Variants in SYNE1 observed in about 807,000 individuals in gnomAD.
SYNE1 encodes spectrin repeat containing nuclear envelope protein 1.
A neutral mutation model predicts 1,111.0 loss-of-function variants in SYNE1; 616 were observed. The ratio of observed to expected loss-of-function variants is 0.55; its 90% CI spans 0.52 to 0.59. The LOEUF is 0.59. SYNE1 is among the 20% of genes least tolerant of loss of function. The probability of loss-of-function intolerance (pLI) is 0.00; values close to 1 mark genes in which losing one functional copy is unlikely to be tolerated. For missense variants in SYNE1, 10,006 were observed against 10,417.0 expected, an observed-to-expected ratio of 0.96 and a Z score of 1.72; for synonymous variants, 3,855 against 3,825.8, an observed-to-expected ratio of 1.01 and a Z score of -0.28.
intron 39 of SYNE1, among the ~76,000 whole-genome samples, chr6:152,423,916 C>T (rs1279746484): frequency 6.6e-6 from 1 of 152,210 alleles, no homozygotes; most frequent in Non-Finnish European, 1.5e-5. Context: ...AGAGAGGTCT[C>T]GCTTGACCAC....
At chr6:152,317,194 T>A (rs533274988) in intron 86 of SYNE1, among the ~76,000 whole-genome samples, 4 of 152,018 alleles carry the variant, frequency 2.6e-5, no homozygotes, top group Admixed American at 6.5e-5. Context: ...GTTCTTAATA[T>A]GATTGAATTA....
intron 101 of SYNE1, among the ~76,000 whole-genome samples, chr6:152,260,666 C>T (rs765491515): frequency 4.0e-5 from 6 of 149,690 alleles, no homozygotes; most frequent in Admixed American, 6.7e-5. Context: ...TTCAGACCAG[C>T]GATCCCCAAC....
rs768355762 is a variant in SYNE1 at position 152,143,648 on chromosome 6, T to C, written c.25094A>G (p.Glu8365Gly). Residue 8365 changes from glutamate to glycine, a missense_variant, in exon 138 of 146, where the codon GAG becomes GGG. Physicochemically the swap from Glu to Gly is moderately conservative, Grantham distance 98. This residue lies in a region of SYNE1 where 761 missense variants were observed against 795.5 expected (regional missense o/e 0.96). Coordinates refer to ENST00000367255, the MANE Select transcript of SYNE1 (RefSeq NM_182961.4). ...GTAGCCTTTGTAGCTGGTGTCTAGCTCCGGCCCCGTGGGAGTTTTGCTGCG... is the reference window on the plus strand; with the variant it reads ...GTAGCCTTTGTAGCTGGTGTCTAGCCCCGGCCCCGTGGGAGTTTTGCTGCG... Reference protein sequence around the residue: ...IIRSKTPTGPELDTSYKGYMK... With the variant: ...IIRSKTPTGPGLDTSYKGYMK... 1.2e-6 allele frequency: 2 copies of C among 1,614,204 alleles called. No homozygotes were observed. The highest frequency in any genetic ancestry group is 1.1e-5 in the South Asian group (1 of 91,074).
intron 3 of SYNE1, among the ~76,000 whole-genome samples, chr6:152,581,567 C>T (rs564854077): frequency 7.9e-5 from 12 of 152,308 alleles, no homozygotes; most frequent in African/African-American, 2.6e-4. Context: ...CTGCTCATGG[C>T]CCCTCTCGCT....
chr6:152,573,915 T>C (rs530317238), intron 3 of SYNE1, among the ~76,000 whole-genome samples: 2 of 152,166 alleles, frequency 1.3e-5, no homozygotes, highest in Non-Finnish European at 2.9e-5. Context: ...ATCAAAGCTC[T>C]GCTTCACCTG....
intron 110 of SYNE1, 48 bp downstream of exon 110, chr6:152,236,059 T>C (rs1240852457): frequency 6.3e-7 from 1 of 1,589,982 alleles, no homozygotes; most frequent in South Asian, 1.1e-5. Flanking sequence ...GCCTTATTAA[T>C]ACAATGCAGC....
intron 73 of SYNE1, among the ~76,000 whole-genome samples, chr6:152,345,008 G>C: frequency 6.6e-6 from 1 of 152,242 alleles, no homozygotes; most frequent in East Asian, 1.9e-4. Context: ...AGCAATCATT[G>C]AATTCTGCTT....
At chr6:152,223,091 C>A (rs1300058483) in intron 117 of SYNE1, among the ~76,000 whole-genome samples, 1 of 152,142 alleles carries the variant, frequency 6.6e-6, no homozygotes, top group Non-Finnish European at 1.5e-5. Flanking sequence ...TGAAAACAGT[C>A]AAGGAAAAGA....
chr6:152,327,774 A>G (rs1432349655), intron 78 of SYNE1, among the ~76,000 whole-genome samples: 1 of 152,222 alleles, frequency 6.6e-6, no homozygotes, highest in African/African-American at 2.4e-5. Flanking sequence ...AAGCAAGCTT[A>G]CCTGACAAAT....
rs1297857077 is a variant in SYNE1, at chr6:152,149,616, G to T, written c.24503C>A (p.Ala8168Asp). The change falls in exon 136 of 146, where the codon GCC becomes GAC. Residue 8168 changes from alanine (A) to aspartate (D), a missense_variant. Physicochemically the swap from Ala to Asp is moderately radical, Grantham distance 126 (BLOSUM62 -2). Transcript: ENST00000367255. ...CTTTTCTATCAGCTGTTCTCCTTGG[G>T]CAATTATCTGCTCAATCTTATTGTG... is the stretch of plus-strand genomic sequence containing the variant. ...LNHNKIEQII[A>D]QGEQLIEKSE... is the part of the protein sequence containing the mutation. The T allele has an allele frequency of 3.1e-6, 5 of 1,614,054 alleles. No individual in the cohort carries two copies. Among genetic ancestry groups the T allele is most frequent in the Non-Finnish European group, 4.2e-6 (5 of 1,180,018 alleles).
Position 152,328,037 on chromosome 6 carries a change from A to G in SYNE1, c.14956-1404T>C, listed in dbSNP as rs369280544. On this transcript the variant is annotated intron_variant, in intron 78 of 145. Transcript: ENST00000367255. Reference sequence around the variant, plus strand: ...GTGTTAACCTTAACCTCTGCAGAAAATATAGTTAAATGAGAGCTAAGATTC... The same window carrying G: ...GTGTTAACCTTAACCTCTGCAGAAAGTATAGTTAAATGAGAGCTAAGATTC... Among the ~76,000 whole-genome samples, 7 of 152,316 alleles carry G rather than the reference A, an allele frequency of 4.6e-5. No homozygotes were observed. In the East Asian group the frequency reaches 1.2e-3, roughly 25 times the overall value.
In SYNE1 at chr6:152,136,706, A is replaced by C. The variant is rs1335765710; in HGVS notation, c.25571T>G (p.Leu8524Trp). ...SKESRDLQDRLSQMNGRWDRV... is the reference protein window; with the variant it reads ...SKESRDLQDRWSQMNGRWDRV... Reference sequence around the variant, plus strand: ...GTCCCAGCGCCCATTCATCTGCGACAAGCGATCCTGCAGGTCCCGGCTCTC... The same window carrying C: ...GTCCCAGCGCCCATTCATCTGCGACCAGCGATCCTGCAGGTCCCGGCTCTC... Residue 8524 changes from leucine (L) to tryptophan (W), a missense_variant, in exon 141 of 146, where the codon TTG becomes TGG. Coordinates refer to ENST00000367255, the MANE Select transcript of SYNE1 (RefSeq NM_182961.4). The C allele has an allele frequency of 1.2e-6, 2 of 1,614,078 alleles. No homozygotes were observed. The highest frequency in any genetic ancestry group is 3.3e-5 in the Admixed American group (2 of 60,006).
At chr6:152,185,311 C>G (rs1273009444) in intron 128 of SYNE1, 1 of 152,382 alleles carries the variant, frequency 6.6e-6, no homozygotes, top group Admixed American at 6.5e-5. Flanking sequence ...GTCCCAGGTA[C>G]TCCAGACTCC....
intron 127 of SYNE1, among the ~76,000 whole-genome samples, chr6:152,198,990 AAAAAAAAAAAACC>A (rs1222979727): frequency 6.7e-6 from 1 of 150,218 alleles, no homozygotes; most frequent in Non-Finnish European, 1.5e-5. Flanking sequence ...TTTGTAAAAA[AAAAAAAAAAAACC>A]AAAAAACAAA....
chr6:152,306,358 C>T (rs867426159), intron 91 of SYNE1, among the ~76,000 whole-genome samples: 1 of 151,736 alleles, frequency 6.6e-6, no homozygotes, highest in Non-Finnish European at 1.5e-5. Context: ...TGGTGATGTG[C>T]GCCTGTAATC....
rs544419627 is a variant in SYNE1 at position 152,547,295 on chromosome 6, T to A, written c.68-7274A>T. On this transcript the variant is annotated intron_variant, in intron 3 of 145. Transcript: ENST00000367255. ...AAAAATCTAAGACATATGGCATTGGTCTTGCGACCAAATAGGGGAAGGAGA... is the reference window on the plus strand; with the variant it reads ...AAAAATCTAAGACATATGGCATTGGACTTGCGACCAAATAGGGGAAGGAGA... Among the ~76,000 whole-genome samples, 13 of 152,340 alleles carry A rather than the reference T, an allele frequency of 8.5e-5. No homozygotes were observed. The South Asian group carries it at 2.1e-3, about 24-fold the overall frequency.
intron 64 of SYNE1, among the ~76,000 whole-genome samples, chr6:152,360,393 A>G (rs1030024040): frequency 1.3e-5 from 2 of 151,186 alleles, no homozygotes; most frequent in Non-Finnish European, 2.9e-5. Flanking sequence ...TGGTTCCTCA[A>G]CTCCTCCCCA....
At chr6:152,275,849 C>G (rs1419764396) in intron 98 of SYNE1, among the ~76,000 whole-genome samples, 1 of 150,488 alleles carries the variant, frequency 6.6e-6, no homozygotes, top group Non-Finnish European at 1.5e-5. Flanking sequence ...TCCCTGCACT[C>G]CAGCCTGGGT....
chr6:152,408,957 A>G lies in SYNE1; in HGVS notation c.6540+111T>C. The G allele has an allele frequency of 7.4e-6, 4 of 541,972 alleles. No homozygotes were observed. In the South Asian group the frequency reaches 1.9e-4, roughly 26 times the overall value. The allele number at this position is 541,972 out of a possible 1,614,324, so 33.6% of individuals were successfully genotyped here. On this transcript the variant is annotated intron_variant, in intron 44 of 145. Transcript: ENST00000367255. ...CAACAAGAGTGAAACTCTGTCTCCA[A>G]AAAAAAAAAAAAAAGTGAAATTCAC... is the stretch of plus-strand genomic sequence containing the variant.
Sources: allele counts gnomAD v4.1 joint callset (sites outside exome capture counted in the v4.1 genomes callset), GRCh38; gene constraint gnomAD v4.1.1; regional missense constraint gnomAD v4.1.1; transcripts MANE v1.5; gene names NCBI Gene and HGNC (gene_info 2026-07-23, HGNC 2026-07-21).